Variants in RNF6 observed in about 807,000 individuals in gnomAD.
RNF6 encodes ring finger protein 6.
In RNF6, 21 loss-of-function variants were observed where a neutral mutation model predicts 50.1. The ratio of observed to expected loss-of-function variants is 0.42; its 90% CI spans 0.30 to 0.60. The LOEUF (loss-of-function observed/expected upper bound fraction) is 0.60, where lower values mean the gene tolerates loss of function less well. Among genes scored for constraint, RNF6 ranks in the 20% least tolerant of loss-of-function variants. RNF6 has a pLI of 0.20. For synonymous variants in RNF6, 255 were observed against 291.8 expected, an observed-to-expected ratio of 0.87 and a Z score of 1.29; for missense variants, 698 against 838.2, an observed-to-expected ratio of 0.83 and a Z score of 2.07.
intron 5 of RNF6, among the ~76,000 whole-genome samples, chr13:26,191,171 C>T (rs761463201): frequency 1.0e-4 from 15 of 150,486 alleles, no homozygotes; most frequent in Non-Finnish European, 1.9e-4. Context: ...TTGTTCAATA[C>T]ACAATGTTGA....
At chr13:26,206,329 T>A (rs1318037022) in intron 5 of RNF6, among the ~76,000 whole-genome samples, 1 of 151,940 alleles carries the variant, frequency 6.6e-6, no homozygotes, top group Non-Finnish European at 1.5e-5. Context: ...CGAGACAGAG[T>A]TTGGGACCCT....
At chr13:26,168,006 G>A (rs1374078704) in intron 5 of RNF6, among the ~76,000 whole-genome samples, 1 of 152,112 alleles carries the variant, frequency 6.6e-6, no homozygotes, top group Non-Finnish European at 1.5e-5. Context: ...GAGAACACAT[G>A]GACACAAAGA....
intron 5 of RNF6, among the ~76,000 whole-genome samples, chr13:26,160,509 C>A (rs965521646): frequency 1.3e-5 from 2 of 148,162 alleles, no homozygotes; most frequent in African/African-American, 5.0e-5. Context: ...CAGGCTTATG[C>A]CACTGCATCC....
At chr13:26,185,194 A>C (rs1228086538) in intron 5 of RNF6, among the ~76,000 whole-genome samples, 1 of 151,958 alleles carries the variant, frequency 6.6e-6, no homozygotes, top group African/African-American at 2.4e-5. Context: ...TACAGATGGG[A>C]TCTCACTATG....
rs1204263475 is a variant in RNF6 at position 26,149,892 on chromosome 13, ATACACACACACAGTGTATATATAATGTG to A, written n.769-17469_769-17442del. Among the ~76,000 whole-genome samples, 4 of 75,294 alleles carry A rather than the reference ATACACACACACAGTGTATATATAATGTG, an allele frequency of 5.3e-5. 1 individual carries two copies. The highest frequency in any genetic ancestry group is 2.2e-4 in the African/African-American group (4 of 17,846). 49.4% of individuals were successfully genotyped at this position (75,294 alleles called of 152,430 possible). A position where few individuals can be genotyped will look rare whatever the true frequency, so the allele number is the denominator to read the frequency against. ...TGTGTATATATATATATATATATAT[ATACACACACACAGTGTATATATAATGTG>A]TATATATATATACACAGTGTATATA... On this transcript the variant is annotated intron_variant and non_coding_transcript_variant, in intron 5 of 5. Coordinates refer to the RNF6 transcript ENST00000468480.
chr13:26,145,683 T>C lies in RNF6; in HGVS notation n.769-13232A>G, dbSNP rs367560305. On this transcript the variant is annotated intron_variant and non_coding_transcript_variant, in intron 5 of 5. Coordinates refer to the RNF6 transcript ENST00000468480. ...GCATGAGCTAATTAAAACTCTTTTC[T>C]TTATAGATTATCTAGTCTCAGGTAT... Among the ~76,000 whole-genome samples, 9 of 152,336 alleles carry C rather than the reference T, an allele frequency of 5.9e-5. No individual in the cohort carries two copies. In the East Asian group the frequency reaches 1.5e-3, roughly 26 times the overall value.
At chr13:26,172,833 G>A (rs536477862) in intron 5 of RNF6, among the ~76,000 whole-genome samples, 107 of 152,162 alleles carry the variant, frequency 7.0e-4, no homozygotes, top group African/African-American at 2.3e-3. Context: ...GTGAGCCACC[G>A]CACCCGGCCT....
chr13:26,215,128 G>A lies in RNF6; in HGVS notation c.754C>T (p.Arg252Cys), dbSNP rs1869725480. 2 of 1,614,172 alleles carry A rather than the reference G, an allele frequency of 1.2e-6. No homozygotes were observed. Among genetic ancestry groups the A allele is most frequent in the South Asian group, 1.1e-5 (1 of 91,078 alleles). ...AAGIPRANAS[R>C]TNFSSHTNQS... is the part of the protein sequence containing the mutation. Reference sequence around the variant, plus strand: ...TTTGTGTGACTACTGAAATTAGTGCGTGAAGCGTTAGCTCGAGGAATGCCA... The same window carrying A: ...TTTGTGTGACTACTGAAATTAGTGCATGAAGCGTTAGCTCGAGGAATGCCA... The change falls in exon 5 of 5, where the codon CGC becomes TGC. Residue 252 changes from arginine to cysteine, a missense_variant. Physicochemically the swap from Arg to Cys is radical, Grantham distance 180 (BLOSUM62 -3). Transcript: ENST00000381588.
In RNF6 at chr13:26,136,018, G is replaced by A. The variant is rs76390961; in HGVS notation, n.769-3567C>T. On this transcript the variant is annotated intron_variant and non_coding_transcript_variant, in intron 5 of 5. Coordinates refer to the RNF6 transcript ENST00000468480. ...TTTCATGTACAGTCTGGAGAATCAT[G>A]AGCCAAATAAACCTCTTTTCTTTAT... Among the ~76,000 whole-genome samples the A allele has an allele frequency of 5.9e-5, 9 of 152,270 alleles. No individual in the cohort carries two copies. The East Asian group carries it at 1.7e-3, about 29-fold the overall frequency.
chr13:26,215,444 C>T lies in RNF6; in HGVS notation c.438G>A (p.Glu146=), dbSNP rs1322759177. The T allele has an allele frequency of 6.2e-7, 1 of 1,614,198 alleles. No individual in the cohort carries two copies. Among genetic ancestry groups the T allele is most frequent in the African/African-American group, 1.3e-5 (1 of 75,048 alleles). Residue 146 remains glutamate (E), a synonymous_variant, in exon 5 of 5, where the codon GAG becomes GAA. Coordinates refer to ENST00000381588, the MANE Select transcript of RNF6 (RefSeq NM_005977.4). ...CGTGGATTTCCAAACTAAACCGAAA[C>T]TCTCCATTGTTCGGGTTTGTTCGAC... The part of the protein sequence containing the change: ...AVSRTNPNNG[E]FRFSLEIHVN...
chr13:26,188,595 G>A (rs1566427047), intron 5 of RNF6, among the ~76,000 whole-genome samples: 2 of 145,822 alleles, frequency 1.4e-5, no homozygotes, highest in East Asian at 2.0e-4. Context: ...CCTTTTAGTG[G>A]GGGCTTTAGT....
chr13:26,198,217 A>G lies in RNF6; in HGVS notation n.768+17257T>C, dbSNP rs1868754137. Among the ~76,000 whole-genome samples the G allele has an allele frequency of 1.3e-5, 2 of 151,638 alleles. 1 individual carries two copies. The highest frequency in any genetic ancestry group is 4.9e-5 in the African/African-American group (2 of 41,012). ...CCCATATGATTGTGAAGTTTGGTAT[A>G]GCCAAAATTTGCAGTGTAGGCCAGC... is the stretch of plus-strand genomic sequence containing the variant. On this transcript the variant is annotated intron_variant and non_coding_transcript_variant, in intron 5 of 5. Coordinates refer to the RNF6 transcript ENST00000468480.
intron 5 of RNF6, among the ~76,000 whole-genome samples, chr13:26,203,292 G>A (rs577612755): frequency 6.6e-6 from 1 of 152,350 alleles, no homozygotes; most frequent in South Asian, 2.1e-4. Flanking sequence ...GGAAAACTAA[G>A]ATGTGATCCC....
At chr13:26,142,098 CAA>C (rs1870986430) in intron 5 of RNF6, among the ~76,000 whole-genome samples, 1 of 152,016 alleles carries the variant, frequency 6.6e-6, no homozygotes, top group South Asian at 2.1e-4. Flanking sequence ...CAAAAGAAGA[CAA>C]AGAAGCAGTC....
At chr13:26,165,031 C>T (rs370511799) in intron 5 of RNF6, among the ~76,000 whole-genome samples, 13 of 152,276 alleles carry the variant, frequency 8.5e-5, no homozygotes, top group African/African-American at 2.6e-4. Flanking sequence ...GTCTTCACAG[C>T]TGCCACTCCC....
chr13:26,186,409 C>G (rs1566425975), intron 5 of RNF6, among the ~76,000 whole-genome samples: 1 of 152,226 alleles, frequency 6.6e-6, no homozygotes, highest in Non-Finnish European at 1.5e-5. Flanking sequence ...CTCGTTGGGC[C>G]GCAGAGCAAG....
rs777220501 is a variant in RNF6, at chr13:26,214,565, C to T, written c.1317G>A (p.Gly439=). 1.2e-6 allele frequency: 2 copies of T among 1,614,108 alleles called. No individual in the cohort carries two copies. Among genetic ancestry groups the T allele is most frequent in the Admixed American group, 1.7e-5 (1 of 60,028 alleles). The change falls in exon 5 of 5, where the codon GGG becomes GGA. Residue 439 remains glycine (G), a synonymous_variant. Coordinates refer to ENST00000381588, the MANE Select transcript of RNF6 (RefSeq NM_005977.4). ...AACGAGAAATGGTTCGGCGAAAGCC[C>T]CCACTATTGCTTTCAATAGTGACTG... ...ENTVTIESNS[G]GFRRTISRLE...
intron 5 of RNF6, among the ~76,000 whole-genome samples, chr13:26,199,257 G>A (rs1868801000): frequency 6.6e-6 from 1 of 152,150 alleles, no homozygotes; most frequent in African/African-American, 2.4e-5. Flanking sequence ...AATTTTCACT[G>A]AAGAAATTCA....
chr13:26,176,234 A>G (rs1315942213), intron 5 of RNF6, among the ~76,000 whole-genome samples: 2 of 152,160 alleles, frequency 1.3e-5, no homozygotes, highest in African/African-American at 2.4e-5. Context: ...ATTTGTCTTC[A>G]GTCTTCTCTA....
Sources: allele counts gnomAD v4.1 joint callset (sites outside exome capture counted in the v4.1 genomes callset), GRCh38; gene constraint gnomAD v4.1.1; transcripts MANE v1.5; gene names NCBI Gene and HGNC (gene_info 2026-07-23, HGNC 2026-07-21).